The following HIVEP3 variants were observed in gnomAD, a reference collection of about 807,000 sequenced individuals.
The protein encoded by HIVEP3 is HIVEP zinc finger 3, also known as transcription factor HIVEP3.
In HIVEP3, 49 loss-of-function variants were observed where a neutral mutation model predicts 152.8. The ratio of observed to expected loss-of-function variants is 0.32; its 90% CI spans 0.26 to 0.41. The LOEUF is 0.41. HIVEP3 is among the 10% of genes least tolerant of loss of function. HIVEP3 has a pLI of 1.00. For missense variants in HIVEP3, 2,790 were observed against 3,103.3 expected (o/e 0.90, Z 2.40); for synonymous variants, 1,269 against 1,289.0 (o/e 0.98, Z 0.33).
Position 41,580,262 on chromosome 1 carries a change from A to T in HIVEP3, c.4536T>A (p.Ile1512=), listed in dbSNP as rs1205451844. 5.0e-6 allele frequency: 8 copies of T among 1,613,598 alleles called. No individual in the cohort carries two copies. Among genetic ancestry groups the T allele is most frequent in the Non-Finnish European group, 6.8e-6 (8 of 1,179,780 alleles). The change falls in exon 4 of 9, where the codon ATT becomes ATA. Residue 1512 remains isoleucine (I), a synonymous_variant. Coordinates refer to ENST00000372583, the MANE Select transcript of HIVEP3 (RefSeq NM_024503.5). ...ACAATGCAGGGTGAGGGAGGGGAGG[A>T]ATTTCCTTTGTGTCAGATGGATCTG... ...LSSDPSDTKE[I]PPLPHPALSH...
chr1:41,550,015 A>G (rs369215794), intron 5 of HIVEP3, among the ~76,000 whole-genome samples: 8 of 152,156 alleles, frequency 5.3e-5, no homozygotes, highest in African/African-American at 1.2e-4. Flanking sequence ...TAAGTCTAAC[A>G]TTTAAGTCTT....
At chr1:41,957,542 A>G (rs1248084985) in intron 1 of HIVEP3, among the ~76,000 whole-genome samples, 1 of 152,244 alleles carries the variant, frequency 6.6e-6, no homozygotes, top group Non-Finnish European at 1.5e-5. Flanking sequence ...AGCATCTGGG[A>G]GAACATCATC....
chr1:41,616,708 A>C (rs1371014054), intron 3 of HIVEP3, among the ~76,000 whole-genome samples: 1 of 146,050 alleles, frequency 6.8e-6, no homozygotes, highest in Non-Finnish European at 1.5e-5. Flanking sequence ...CCGCCTTAGC[A>C]TCTTGAGTAT....
intron 1 of HIVEP3, among the ~76,000 whole-genome samples, chr1:41,944,255 T>C (rs1278196365): frequency 6.6e-6 from 1 of 152,240 alleles, no homozygotes; most frequent in Non-Finnish European, 1.5e-5. Flanking sequence ...TGCTTAACAA[T>C]GGTTAAAATG....
At chr1:41,928,908 G>C (rs1018109355) in intron 1 of HIVEP3, among the ~76,000 whole-genome samples, 1 of 152,190 alleles carries the variant, frequency 6.6e-6, no homozygotes, top group African/African-American at 2.4e-5. Flanking sequence ...AACTTTGGGA[G>C]GCTGAGGCAG....
intron 1 of HIVEP3, among the ~76,000 whole-genome samples, chr1:41,742,694 C>A (rs1206416221): frequency 2.0e-5 from 3 of 152,184 alleles, no homozygotes; most frequent in South Asian, 4.1e-4. Context: ...TGTACTGTGT[C>A]TATCTGCCCA....
chr1:41,844,513 C>T (rs999546148), intron 1 of HIVEP3, among the ~76,000 whole-genome samples: 1 of 152,194 alleles, frequency 6.6e-6, no homozygotes, highest in Non-Finnish European at 1.5e-5. Context: ...CTTAACTGCT[C>T]GCAGGGTCAC....
At chr1:41,985,720 C>T (rs989349341) in intron 1 of HIVEP3, among the ~76,000 whole-genome samples, 1 of 152,056 alleles carries the variant, frequency 6.6e-6, no homozygotes, top group Non-Finnish European at 1.5e-5. Flanking sequence ...GATCTGGGGG[C>T]GAGGAACAGC....
chr1:41,519,418 G>A (rs753315430), intron 6 of HIVEP3, among the ~76,000 whole-genome samples: 7 of 152,212 alleles, frequency 4.6e-5, no homozygotes, highest in African/African-American at 7.2e-5. Flanking sequence ...GGACAGGAGC[G>A]TTCTAGGAAG....
At chr1:41,842,454 A>T (rs184468067) in intron 1 of HIVEP3, among the ~76,000 whole-genome samples, 1 of 152,248 alleles carries the variant, frequency 6.6e-6, no homozygotes, top group East Asian at 1.9e-4. Context: ...TTATCACTGC[A>T]GTAGGACTGA....
At position 41,584,151 on chromosome 1, in the gene HIVEP3, C is replaced by T; in HGVS notation, c.647G>A (p.Gly216Asp). 1 of 1,614,174 alleles carries T rather than the reference C, an allele frequency of 6.2e-7. No individual in the cohort carries two copies. Among genetic ancestry groups the T allele is most frequent in the Non-Finnish European group, 8.5e-7 (1 of 1,180,046 alleles). ...GGGGCCGCAGGGGTAGGGCCTCTCACCTGTGTGTGAGCGAATGTGCTTCTG... is the reference window on the plus strand; with the variant it reads ...GGGGCCGCAGGGGTAGGGCCTCTCATCTGTGTGTGAGCGAATGTGCTTCTG... ...VLQKHIRSHT[G>D]ERPYPCGPCG... The change falls in exon 4 of 9, where the codon GGT (glycine) becomes GAT (aspartate). Residue 216 changes from glycine (G) to aspartate (D), a missense_variant. This residue lies in a region of HIVEP3 where 25 missense variants were observed against 75.9 expected (regional missense o/e 0.33). Coordinates refer to ENST00000372583, the MANE Select transcript of HIVEP3 (RefSeq NM_024503.5). The surrounding 1 kb of genome is among the most constrained non-coding windows in gnomAD (Gnocchi z 5.2).
intron 1 of HIVEP3, among the ~76,000 whole-genome samples, chr1:41,758,974 T>G (rs1281825968): frequency 6.6e-6 from 1 of 152,136 alleles, no homozygotes. Flanking sequence ...TTTTAACCAT[T>G]TTAAAGTATA....
At chr1:41,782,460 ATGGTGGCTTACACC>A (rs1315954513) in intron 1 of HIVEP3, among the ~76,000 whole-genome samples, 1 of 152,192 alleles carries the variant, frequency 6.6e-6, no homozygotes, top group African/African-American at 2.4e-5. Context: ...GGGGCCGGGC[ATGGTGGCTTACACC>A]TGTAATCCCA....
In HIVEP3 at chr1:41,912,696, C is replaced by T. The variant is rs1644815749; in HGVS notation, c.-801+5717G>A. On this transcript the variant is annotated intron_variant, in intron 1 of 8. Coordinates refer to ENST00000372583, the MANE Select transcript of HIVEP3 (RefSeq NM_024503.5). ...GCATGGAGCAAATGACTACATTCTG[C>T]TTCTCTTGCTAAGATTTCAATGGTG... 2.6e-5 allele frequency among the ~76,000 whole-genome samples: 4 copies of T among 152,284 alleles called. No homozygotes were observed. The South Asian group carries it at 8.3e-4, about 32-fold the overall frequency.
intron 1 of HIVEP3, among the ~76,000 whole-genome samples, chr1:41,862,015 CAG>C (rs1179354664): frequency 2.6e-5 from 4 of 152,022 alleles, no homozygotes; most frequent in Admixed American, 2.6e-4. Flanking sequence ...AAGGATGAGT[CAG>C]GGGCAGTTCT....
intron 2 of HIVEP3, among the ~76,000 whole-genome samples, chr1:41,697,812 A>G (rs1280513895): frequency 2.0e-5 from 3 of 152,222 alleles, no homozygotes; most frequent in Non-Finnish European, 4.4e-5. Flanking sequence ...ATTGGTGAAC[A>G]CATTTTAATT....
chr1:41,996,226 C>A (rs1190246638), intron 1 of HIVEP3, among the ~76,000 whole-genome samples: 1 of 150,388 alleles, frequency 6.6e-6, no homozygotes, highest in Non-Finnish European at 1.5e-5. Context: ...GACGTTATTT[C>A]TATTAAAAAA....
At chr1:41,976,613 G>A (rs1645260635) in intron 1 of HIVEP3, among the ~76,000 whole-genome samples, 1 of 152,168 alleles carries the variant, frequency 6.6e-6, no homozygotes. Flanking sequence ...CTTAGATACT[G>A]CAATTCAGAC....
intron 2 of HIVEP3, among the ~76,000 whole-genome samples, chr1:41,665,316 T>G (rs1339776819): frequency 1.3e-5 from 2 of 152,154 alleles, no homozygotes; most frequent in Non-Finnish European, 2.9e-5. Flanking sequence ...TTTCCCACCA[T>G]GTATCTGAAA....
Sources: gnomAD v4.1 joint callset for allele counts (sites outside exome capture counted in the v4.1 genomes callset) on GRCh38, gnomAD v4.1.1 for gene constraint, gnomAD v4.1.1 regional missense constraint, Gnocchi (gnomAD v3.1) non-coding constraint, MANE v1.5 for transcripts, NCBI Gene and HGNC (gene_info 2026-07-23, HGNC 2026-07-21) for gene names.